Variants in DLG2 observed in about 807,000 individuals in gnomAD.
DLG2 encodes discs large MAGUK scaffold protein 2, also known as disks large homolog 2.
Under a neutral mutation model 132.5 loss-of-function variants are expected in DLG2, and 45 were observed. That is an observed-to-expected ratio of 0.34 (90% confidence interval 0.27 to 0.44). DLG2 has a LOEUF of 0.44. Ranked by LOEUF, DLG2 falls within the 20% of genes least tolerant of loss-of-function variation. The pLI, the probability that DLG2 is intolerant of heterozygous loss-of-function variation, is 1.00. For missense variants in DLG2, 1,045 were observed against 1,196.9 expected (o/e 0.87, Z 1.87); for synonymous variants, 424 against 419.6 (o/e 1.01, Z -0.13).
chr11:85,202,744 A>T (rs937229637), intron 4 of DLG2, among the ~76,000 whole-genome samples: 5 of 152,092 alleles, frequency 3.3e-5, no homozygotes, highest in African/African-American at 1.2e-4. Context: ...AAAAGAAGAA[A>T]TTTAGAAACT....
chr11:84,307,107 A>C (rs2098227863), intron 7 of DLG2, among the ~76,000 whole-genome samples: 1 of 152,216 alleles, frequency 6.6e-6, no homozygotes, highest in Non-Finnish European at 1.5e-5. Flanking sequence ...CTAGGTGTCC[A>C]CCAACGGTAG....
chr11:84,474,286 C>T (rs1273874796), intron 7 of DLG2, among the ~76,000 whole-genome samples: 1 of 152,056 alleles, frequency 6.6e-6, no homozygotes, highest in African/African-American at 2.4e-5. Context: ...TTTACAGATG[C>T]ACCCAACAAA....
chr11:83,497,061 C>T (rs2094182339), intron 21 of DLG2, among the ~76,000 whole-genome samples: 1 of 152,152 alleles, frequency 6.6e-6, no homozygotes, highest in African/African-American at 2.4e-5. Flanking sequence ...ATGTTACTTT[C>T]ATTTTGGTAT....
At chr11:85,098,880 A>G (rs1014362836) in intron 6 of DLG2, among the ~76,000 whole-genome samples, 1 of 152,196 alleles carries the variant, frequency 6.6e-6, no homozygotes. Context: ...ATGTTTGTAC[A>G]TATTTTCCCT....
chr11:84,855,828 A>G (rs1384992197), intron 6 of DLG2, among the ~76,000 whole-genome samples: 1 of 152,058 alleles, frequency 6.6e-6, no homozygotes, highest in South Asian at 2.1e-4. Flanking sequence ...AGCATCCAGG[A>G]GAGATTCTTC....
At chr11:84,841,506 G>T (rs2080685289) in intron 6 of DLG2, among the ~76,000 whole-genome samples, 1 of 151,952 alleles carries the variant, frequency 6.6e-6, no homozygotes, top group African/African-American at 2.4e-5. Context: ...GATAACATCA[G>T]TATAAATTTC....
At chr11:85,501,219 C>G (rs929092737) in intron 3 of DLG2, among the ~76,000 whole-genome samples, 9 of 152,122 alleles carry the variant, frequency 5.9e-5, no homozygotes, top group Non-Finnish European at 1.3e-4. Context: ...TAGCCATATG[C>G]AGAAAACTGA....
chr11:83,896,894 G>C (rs1176927430), intron 15 of DLG2, among the ~76,000 whole-genome samples: 1 of 152,084 alleles, frequency 6.6e-6, no homozygotes, highest in Non-Finnish European at 1.5e-5. Context: ...AAAATATAAA[G>C]CTTGAAACTA....
At chr11:85,217,318 T>TCTCTCTCA (rs370686252) in intron 4 of DLG2, among the ~76,000 whole-genome samples, 30 of 144,032 alleles carry the variant, frequency 2.1e-4, no homozygotes, top group African/African-American at 7.5e-4. Flanking sequence ...TCTCTCTCTC[T>TCTCTCTCA]CACACACACA....
intron 7 of DLG2, among the ~76,000 whole-genome samples, chr11:84,380,670 TA>T (rs1185132895): frequency 1.3e-5 from 2 of 151,580 alleles, no homozygotes; most frequent in African/African-American, 2.4e-5. Flanking sequence ...AGTAAGATGT[TA>T]GGGGGAAAAA....
At chr11:85,082,751 T>G (rs1377769937) in intron 6 of DLG2, among the ~76,000 whole-genome samples, 1 of 149,312 alleles carries the variant, frequency 6.7e-6, no homozygotes, top group African/African-American at 2.4e-5. Context: ...TTTTTTTTTT[T>G]TTTTCACCTG....
chr11:84,062,265 T>A (rs778267495), intron 10 of DLG2, among the ~76,000 whole-genome samples: 1 of 152,152 alleles, frequency 6.6e-6, no homozygotes, highest in African/African-American at 2.4e-5. Flanking sequence ...CAGTTCTTCA[T>A]CATCTGTGGG....
chr11:83,694,875 C>T (rs1046430343), intron 18 of DLG2, among the ~76,000 whole-genome samples: 2 of 152,212 alleles, frequency 1.3e-5, no homozygotes, highest in Non-Finnish European at 1.5e-5. Flanking sequence ...TAGGTAACCA[C>T]ACTGACTTCT....
intron 16 of DLG2, among the ~76,000 whole-genome samples, chr11:83,850,915 A>G (rs181029627): frequency 0.013 from 1,968 of 152,094 alleles, 38 homozygotes; most frequent in African/African-American, 0.044. Flanking sequence ...GGTGGCTCAC[A>G]CCTGTAATCC....
At chr11:83,987,812 A>G (rs1160942385) in intron 11 of DLG2, among the ~76,000 whole-genome samples, 4 of 152,172 alleles carry the variant, frequency 2.6e-5, no homozygotes, top group Non-Finnish European at 5.9e-5. Flanking sequence ...ACTTTTTAAT[A>G]ATAGCCATCT....
intron 5 of DLG2, among the ~76,000 whole-genome samples, chr11:85,141,770 C>A (rs531162795): frequency 6.6e-6 from 1 of 151,586 alleles, no homozygotes; most frequent in South Asian, 2.1e-4. Flanking sequence ...TTTTTCTGCA[C>A]ATGGATATCC....
intron 6 of DLG2, among the ~76,000 whole-genome samples, chr11:85,110,342 C>T (rs1480627580): frequency 3.3e-5 from 5 of 151,946 alleles, no homozygotes; most frequent in East Asian, 3.9e-4. Flanking sequence ...CACTTGAATC[C>T]AGGAGGTGGA....
chr11:84,353,287 C>T (rs746316144), intron 7 of DLG2, among the ~76,000 whole-genome samples: 38 of 152,120 alleles, frequency 2.5e-4, no homozygotes, highest in Non-Finnish European at 4.6e-4. Flanking sequence ...GACTTAGAGA[C>T]GCATCATACT....
intron 6 of DLG2, among the ~76,000 whole-genome samples, 174 bp downstream of exon 6, chr11:85,111,487 A>G (rs2072730028): frequency 1.3e-5 from 2 of 152,110 alleles, no homozygotes; most frequent in African/African-American, 4.8e-5. Flanking sequence ...GGAATCCCTA[A>G]TCACTGATAT....
Sources: allele counts gnomAD v4.1 joint callset (sites outside exome capture counted in the v4.1 genomes callset), GRCh38; gene constraint gnomAD v4.1.1; transcripts MANE v1.5; gene names NCBI Gene and HGNC (gene_info 2026-07-23, HGNC 2026-07-21).